Variants in DLG2 observed in about 807,000 individuals in gnomAD.
DLG2 encodes the protein discs large MAGUK scaffold protein 2.
In DLG2, 45 loss-of-function variants were observed where a neutral mutation model predicts 132.5. That is an observed-to-expected ratio of 0.34 (90% CI 0.27 to 0.44). The LOEUF (loss-of-function observed/expected upper bound fraction) is 0.44. Ranked by LOEUF, DLG2 falls within the 20% of genes least tolerant of loss-of-function variation. The pLI is 1.00. For synonymous variants in DLG2, 424 were observed against 419.6 expected (o/e 1.01, Z -0.13); for missense variants, 1,045 against 1,196.9 (o/e 0.87, Z 1.87).
intron 7 of DLG2, among the ~76,000 whole-genome samples, chr11:84,497,461 C>T (rs1320480583): frequency 1.3e-5 from 2 of 152,002 alleles, no homozygotes; most frequent in African/African-American, 4.8e-5. Context: ...TCCCACTATC[C>T]AATCAGAAAG....
chr11:84,365,049 C>T (rs1159453055), intron 7 of DLG2, among the ~76,000 whole-genome samples: 1 of 152,114 alleles, frequency 6.6e-6, no homozygotes, highest in Admixed American at 6.6e-5. Flanking sequence ...GGAGGATTCC[C>T]TCTTTTTCTA....
At chr11:85,062,562 AAG>A (rs1162156670) in intron 6 of DLG2, among the ~76,000 whole-genome samples, 1 of 151,662 alleles carries the variant, frequency 6.6e-6, no homozygotes, top group Non-Finnish European at 1.5e-5. Flanking sequence ...ACTGACAGGA[AAG>A]ATAAGTTTTT....
chr11:84,680,340 A>G (rs1055116136), intron 6 of DLG2, among the ~76,000 whole-genome samples: 3 of 152,132 alleles, frequency 2.0e-5, no homozygotes, highest in African/African-American at 7.2e-5. Context: ...CAATTTGCCT[A>G]TTGCACCAGT....
At chr11:84,674,916 T>C (rs2099709660) in intron 6 of DLG2, among the ~76,000 whole-genome samples, 1 of 152,166 alleles carries the variant, frequency 6.6e-6, no homozygotes, top group South Asian at 2.1e-4. Context: ...TTAATGACTT[T>C]TTCCCACAAG....
chr11:84,717,195 A>G (rs146025111), intron 6 of DLG2, among the ~76,000 whole-genome samples: 1 of 152,184 alleles, frequency 6.6e-6, no homozygotes, highest in African/African-American at 2.4e-5. Flanking sequence ...TGCCATGTAA[A>G]TAACTTTCAG....
At chr11:84,644,414 G>A (rs114534574) in intron 6 of DLG2, among the ~76,000 whole-genome samples, 1,885 of 152,094 alleles carry the variant, frequency 0.012, 40 homozygotes, top group African/African-American at 0.043. Context: ...CATGTAAGAT[G>A]TCTTATTGGA....
intron 6 of DLG2, among the ~76,000 whole-genome samples, chr11:84,770,031 G>A (rs1356991960): frequency 6.6e-6 from 1 of 152,146 alleles, no homozygotes; most frequent in Non-Finnish European, 1.5e-5. Context: ...TTGGAGATGG[G>A]GCCTGGTGGG....
intron 6 of DLG2, chr11:85,021,729 G>T: frequency 1.4e-6 from 1 of 719,852 alleles, no homozygotes; most frequent in Non-Finnish European, 2.4e-6. Flanking sequence ...GGAGTGAGGA[G>T]GGAGAAGAGA....
At chr11:83,541,301 G>T (rs113818782) in intron 20 of DLG2, among the ~76,000 whole-genome samples, 1 of 152,024 alleles carries the variant, frequency 6.6e-6, no homozygotes, top group Admixed American at 6.6e-5. Context: ...ATTTGCCTTC[G>T]ACTTGGCCTT....
chr11:85,517,131 C>A (rs1258620282), intron 3 of DLG2, among the ~76,000 whole-genome samples: 1 of 151,754 alleles, frequency 6.6e-6, no homozygotes, highest in East Asian at 1.9e-4. Flanking sequence ...ATATGCAAAT[C>A]AATAAATGTA....
chr11:83,712,000 A>T (rs1440526909), intron 18 of DLG2, among the ~76,000 whole-genome samples: 1 of 152,192 alleles, frequency 6.6e-6, no homozygotes, highest in South Asian at 2.1e-4. Context: ...ACAAACAAAC[A>T]AACAAAAAAA....
chr11:84,239,122 T>C (rs1434442513), intron 8 of DLG2, among the ~76,000 whole-genome samples: 1 of 152,194 alleles, frequency 6.6e-6, no homozygotes, highest in Non-Finnish European at 1.5e-5. Context: ...AAAAAACTTT[T>C]ATTGAAATCC....
At chr11:84,076,653 T>C (rs1423265774) in intron 10 of DLG2, among the ~76,000 whole-genome samples, 1 of 152,206 alleles carries the variant, frequency 6.6e-6, no homozygotes, top group East Asian at 1.9e-4. Flanking sequence ...CAACCCTGAC[T>C]GAACCCAACC....
chr11:83,566,511 G>A (rs1486370589), intron 19 of DLG2, among the ~76,000 whole-genome samples: 2 of 151,860 alleles, frequency 1.3e-5, no homozygotes, highest in East Asian at 3.9e-4. Flanking sequence ...CTTAAATTCT[G>A]GCTCTGCCTA....
intron 6 of DLG2, among the ~76,000 whole-genome samples, chr11:85,011,862 A>G (rs2154135597): frequency 6.6e-6 from 1 of 152,316 alleles, no homozygotes; most frequent in South Asian, 2.1e-4. Context: ...ACAAAAGAAT[A>G]TATCATGTAT....
In DLG2 at chr11:83,945,433, G is replaced by T. The variant is rs1372186254; in HGVS notation, c.1341-14950C>A. Among the ~76,000 whole-genome samples the T allele has an allele frequency of 2.0e-5, 3 of 152,134 alleles. No homozygotes were observed. The East Asian group carries it at 5.8e-4, about 29-fold the overall frequency. ...AGATCTGTAATACAGAAGAAAAGCA[G>T]AATTTTCCCAAAGACTTCTCTCTTC... On this transcript the variant is annotated intron_variant, in intron 14 of 27. Transcript: ENST00000376104.
chr11:84,018,922 T>A (rs1566061935), intron 11 of DLG2, among the ~76,000 whole-genome samples: 1 of 151,666 alleles, frequency 6.6e-6, no homozygotes, highest in Non-Finnish European at 1.5e-5. Flanking sequence ...GCTTAAAACA[T>A]AAAGGAATAG....
intron 18 of DLG2, among the ~76,000 whole-genome samples, chr11:83,642,271 G>A (rs1460679868): frequency 6.6e-6 from 1 of 152,192 alleles, no homozygotes; most frequent in Non-Finnish European, 1.5e-5. Context: ...AAACAGAAAT[G>A]ATCCTTTAGC....
At chr11:84,054,482 C>A (rs2154124748) in intron 11 of DLG2, among the ~76,000 whole-genome samples, 1 of 152,096 alleles carries the variant, frequency 6.6e-6, no homozygotes, top group South Asian at 2.1e-4. Context: ...TGCAGACACC[C>A]CAGGTGCTTA....
Sources: gnomAD v4.1 joint callset for allele counts (sites outside exome capture counted in the v4.1 genomes callset) on GRCh38, gnomAD v4.1.1 for gene constraint, MANE v1.5 for transcripts, NCBI Gene and HGNC (gene_info 2026-07-23, HGNC 2026-07-21) for gene names.